The following PTPRT variants were observed in gnomAD, a reference collection of about 807,000 sequenced individuals.
PTPRT encodes receptor-type tyrosine-protein phosphatase T.
Under a neutral mutation model 176.8 loss-of-function variants are expected in PTPRT, and 56 were observed. That is an observed-to-expected ratio of 0.32 (90% CI 0.26 to 0.40). PTPRT has a LOEUF of 0.40. PTPRT is among the 10% of genes least tolerant of loss of function. PTPRT has a pLI of 1.00. For synonymous variants in PTPRT, 783 were observed against 739.0 expected (o/e 1.06, Z -0.96); for missense variants, 1,540 against 1,908.2 (o/e 0.81, Z 3.60).
rs143926881 is a variant in PTPRT at position 42,080,909 on chromosome 20, C to T, written c.4296G>A (p.Glu1432=). 6.8e-6 allele frequency: 11 copies of T among 1,610,148 alleles called. No homozygotes were observed. The East Asian group carries it at 2.2e-4, about 33-fold the overall frequency. ...ETLEQYKFVY[E]VALEYLSSF ...AGGAGCTTAAATATTCCAGTGCCACCTCGTATACAAATTTATACTGTTCCT... is the reference window on the plus strand; with the variant it reads ...AGGAGCTTAAATATTCCAGTGCCACTTCGTATACAAATTTATACTGTTCCT... The change falls in exon 31 of 31, where the codon GAG becomes GAA. Residue 1432 remains glutamate (E), a synonymous_variant. Transcript: ENST00000373187.
chr20:42,889,152 T>C (rs956196743), intron 1 of PTPRT, among the ~76,000 whole-genome samples: 45 of 152,084 alleles, frequency 3.0e-4, no homozygotes, highest in Non-Finnish European at 2.1e-4. Context: ...TGACAGGTCC[T>C]GGCCCTCTGA....
chr20:43,181,946 A>C (rs771336027), intron 1 of PTPRT, among the ~76,000 whole-genome samples: 2 of 152,176 alleles, frequency 1.3e-5, no homozygotes, highest in Admixed American at 1.3e-4. Flanking sequence ...CAAACTGATC[A>C]CTTAAGGGGG....
intron 27 of PTPRT, among the ~76,000 whole-genome samples, chr20:42,091,072 A>G (rs781273764): frequency 1.3e-4 from 20 of 149,178 alleles, no homozygotes; most frequent in Non-Finnish European, 2.8e-4. Context: ...AAGTCAGTCC[A>G]GTTGTTGTTA....
chr20:42,498,529 T>G (rs6016811), intron 7 of PTPRT, among the ~76,000 whole-genome samples: 20,005 of 152,048 alleles, frequency 0.13, 3,109 homozygotes, highest in African/African-American at 0.38. Context: ...CCCTGACATA[T>G]TTTGAAATGG....
chr20:42,260,959 C>T, intron 13 of PTPRT, among the ~76,000 whole-genome samples: 1 of 152,154 alleles, frequency 6.6e-6, no homozygotes, highest in Non-Finnish European at 1.5e-5. Flanking sequence ...TTGAGGTCTG[C>T]CCACTTTAAA....
At chr20:42,243,863 G>C (rs6102747) in intron 14 of PTPRT, among the ~76,000 whole-genome samples, 1 of 152,126 alleles carries the variant, frequency 6.6e-6, no homozygotes, top group Non-Finnish European at 1.5e-5. Context: ...ATGATTATTA[G>C]GAATATTAAA....
intron 1 of PTPRT, among the ~76,000 whole-genome samples, chr20:43,044,907 G>T (rs1173776646): frequency 6.6e-6 from 1 of 152,174 alleles, no homozygotes. Flanking sequence ...AATCAAATTG[G>T]TATTCCACTC....
chr20:42,717,103 G>C (rs1346964538), intron 6 of PTPRT, among the ~76,000 whole-genome samples: 1 of 151,696 alleles, frequency 6.6e-6, no homozygotes, highest in East Asian at 1.9e-4. Context: ...GAGTTAATGG[G>C]TACAGCACAC....
intron 15 of PTPRT, among the ~76,000 whole-genome samples, chr20:42,225,686 T>A (rs1000840894): frequency 6.6e-6 from 1 of 152,220 alleles, no homozygotes; most frequent in African/African-American, 2.4e-5. Flanking sequence ...AATCTCACTC[T>A]TTGTCGCCCA....
At chr20:42,369,431 A>G (rs1414593448) in intron 9 of PTPRT, among the ~76,000 whole-genome samples, 3 of 152,036 alleles carry the variant, frequency 2.0e-5, no homozygotes, top group Non-Finnish European at 4.4e-5. Context: ...TACCCTCTCT[A>G]CCCTGAACCT....
chr20:42,957,974 T>C (rs1481671014), intron 1 of PTPRT, among the ~76,000 whole-genome samples: 1 of 151,584 alleles, frequency 6.6e-6, no homozygotes, highest in Non-Finnish European at 1.5e-5. Context: ...ACTTGTGATC[T>C]CCACATCATG....
chr20:42,140,513 C>A (rs1988574411), intron 18 of PTPRT, among the ~76,000 whole-genome samples: 1 of 152,196 alleles, frequency 6.6e-6, no homozygotes, highest in African/African-American at 2.4e-5. Flanking sequence ...CAGTCTCTCT[C>A]TTCCTCACCC....
At chr20:42,872,775 G>A (rs560656780) in intron 2 of PTPRT, among the ~76,000 whole-genome samples, 22 of 152,334 alleles carry the variant, frequency 1.4e-4, no homozygotes, top group African/African-American at 5.3e-4. Context: ...TAATGGCAGA[G>A]CTAGGACAGA....
At chr20:42,505,339 TC>T (rs1346580487) in intron 7 of PTPRT, among the ~76,000 whole-genome samples, 1 of 152,158 alleles carries the variant, frequency 6.6e-6, no homozygotes, top group African/African-American at 2.4e-5. Flanking sequence ...TCCCGCTCTG[TC>T]TCCCAGGCTG....
rs115374770 is a variant in PTPRT, at chr20:42,445,571, C to T, written c.1560+2649G>A. ...ACAATACAATGGCCTAAATCTACAA[C>T]CTCCTTAGCTGTCTTTACAGCATCC... On this transcript the variant is annotated intron_variant, in intron 9 of 30. Coordinates refer to ENST00000373187, the MANE Select transcript of PTPRT (RefSeq NM_007050.6). Among the ~76,000 whole-genome samples, 1,112 of 152,322 alleles carry T rather than the reference C, an allele frequency of 7.3e-3. 19 individuals are homozygous for T. Among genetic ancestry groups the T allele is most frequent in the African/African-American group, 0.026 (1,068 of 41,576 alleles).
intron 3 of PTPRT, among the ~76,000 whole-genome samples, chr20:42,785,964 G>A (rs1054986724): frequency 3.2e-4 from 48 of 152,126 alleles, no homozygotes; most frequent in Non-Finnish European, 5.6e-4. Flanking sequence ...GTTGAGAGAC[G>A]AACGTGGTGG....
chr20:42,288,711 G>A (rs1568742139), intron 12 of PTPRT, among the ~76,000 whole-genome samples: 3 of 151,832 alleles, frequency 2.0e-5, no homozygotes, highest in South Asian at 2.1e-4. Context: ...CTTTTTTATG[G>A]CTGCATAGTA....
At chr20:43,097,919 T>C (rs551545054) in intron 1 of PTPRT, among the ~76,000 whole-genome samples, 3 of 152,188 alleles carry the variant, frequency 2.0e-5, no homozygotes, top group East Asian at 1.9e-4. Context: ...CTTACATTAA[T>C]ATGGATGCAA....
chr20:42,696,104 T>C (rs1455090878), intron 6 of PTPRT, among the ~76,000 whole-genome samples: 1 of 151,934 alleles, frequency 6.6e-6, no homozygotes, highest in Non-Finnish European at 1.5e-5. Context: ...TCTCCTTCTC[T>C]CTTCCCCTTC....
Sources: allele counts gnomAD v4.1 joint callset (sites outside exome capture counted in the v4.1 genomes callset), GRCh38; gene constraint gnomAD v4.1.1; transcripts MANE v1.5; gene names NCBI Gene and HGNC (gene_info 2026-07-23, HGNC 2026-07-21).